The following TNFSF4 variants were observed in gnomAD, a reference collection of about 807,000 sequenced individuals.
TNFSF4 encodes TNF superfamily member 4.
TNFSF4 carries 4 observed loss-of-function variants against 7.3 expected under a neutral mutation model. That is an observed-to-expected ratio of 0.55 (90% CI 0.27 to 1.25). The LOEUF (loss-of-function observed/expected upper bound fraction) is 1.25. Among genes scored for constraint, TNFSF4 ranks in the 50% most tolerant of loss-of-function variants. The pLI is 0.12. For missense variants in TNFSF4, 181 were observed against 208.8 expected, an observed-to-expected ratio of 0.87 and a Z score of 0.82; for synonymous variants, 76 against 83.7, an observed-to-expected ratio of 0.91 and a Z score of 0.50.
chr1:173,227,668 AGGGAATTT>A, the TNFSF4 span, among the ~76,000 whole-genome samples: 7 of 152,362 alleles, frequency 4.6e-5, no homozygotes, highest in South Asian at 1.4e-3. Flanking sequence ...ACAAGGGGTC[AGGGAATTT>A]CCTTTCCTAC....
the TNFSF4 span, among the ~76,000 whole-genome samples, chr1:173,279,694 C>T: frequency 1.8e-4 from 27 of 152,094 alleles, no homozygotes; most frequent in Non-Finnish European, 2.6e-4. Context: ...CTTACCTACA[C>T]TCCAAAAACT....
chr1:173,318,161 G>C, the TNFSF4 span, among the ~76,000 whole-genome samples: 1 of 152,160 alleles, frequency 6.6e-6, no homozygotes, highest in Non-Finnish European at 1.5e-5. Context: ...AATCAGCCGG[G>C]CATGGTGGCT....
chr1:173,224,729 T>C, the TNFSF4 span, among the ~76,000 whole-genome samples: 1 of 152,178 alleles, frequency 6.6e-6, no homozygotes, highest in Non-Finnish European at 1.5e-5. Context: ...TCCCACTCCC[T>C]AAGCTATAGT....
chr1:173,408,866 A>C, the TNFSF4 span, among the ~76,000 whole-genome samples: 1 of 152,248 alleles, frequency 6.6e-6, no homozygotes, highest in Admixed American at 6.5e-5. Flanking sequence ...TTGGGATTAC[A>C]CGGATGAGCC....
At chr1:173,416,608 T>TTTTTTTTATTTATTTATTTATTTATTTA in the TNFSF4 span, among the ~76,000 whole-genome samples, 3,452 of 121,972 alleles carry the variant, frequency 0.028, 175 homozygotes, top group East Asian at 0.2. Flanking sequence ...ATTTTTTTAT[T>TTTTTTTTATTTATTTATTTATTTATTTA]TTTATTTATT....
the TNFSF4 span, among the ~76,000 whole-genome samples, chr1:173,398,409 C>CTTTTTTTTTTTT: frequency 4.5e-3 from 456 of 101,524 alleles, no homozygotes; most frequent in Non-Finnish European, 4.8e-3. Context: ...TATTTCTTTT[C>CTTTTTTTTTTTT]TTTTTTTTTT....
chr1:173,174,376 A>G, the TNFSF4 span: 1 of 151,990 alleles, frequency 6.6e-6, no homozygotes, highest in Non-Finnish European at 1.5e-5. Context: ...TAACTTCCAC[A>G]TTTTCATGTA....
chr1:173,380,969 A>G, the TNFSF4 span, among the ~76,000 whole-genome samples: 1 of 152,142 alleles, frequency 6.6e-6, no homozygotes, highest in African/African-American at 2.4e-5. Flanking sequence ...AAGTCCCAAC[A>G]TTAACATTGC....
chr1:173,438,983 A>G, the TNFSF4 span, among the ~76,000 whole-genome samples: 1 of 152,230 alleles, frequency 6.6e-6, no homozygotes, highest in Non-Finnish European at 1.5e-5. Context: ...TTGCACCTAT[A>G]AAACAATCTG....
the TNFSF4 span, among the ~76,000 whole-genome samples, chr1:173,176,490 G>A: frequency 0.012 from 1,849 of 152,236 alleles, 33 homozygotes; most frequent in African/African-American, 0.042. Flanking sequence ...GCAAGGTTGT[G>A]GAGAAAAGAG....
At chr1:173,442,131 T>G in the TNFSF4 span, 1 of 152,124 alleles carries the variant, frequency 6.6e-6, no homozygotes, top group East Asian at 1.9e-4. Context: ...AAAACCTGAG[T>G]TGTAGTATTT....
At chr1:173,420,760 GTAAT>G in the TNFSF4 span, among the ~76,000 whole-genome samples, 2 of 152,280 alleles carry the variant, frequency 1.3e-5, no homozygotes, top group East Asian at 3.9e-4. Flanking sequence ...TGTTAATTAT[GTAAT>G]TACATAACTA....
At chr1:173,449,641 A>G in the TNFSF4 span, among the ~76,000 whole-genome samples, 3 of 152,114 alleles carry the variant, frequency 2.0e-5, no homozygotes, top group Admixed American at 6.6e-5. Flanking sequence ...GCCTGGCCTC[A>G]GGCATTTCTT....
At chr1:173,313,282 A>C in the TNFSF4 span, among the ~76,000 whole-genome samples, 1 of 152,108 alleles carries the variant, frequency 6.6e-6, no homozygotes, top group African/African-American at 2.4e-5. Context: ...ATATGGATAT[A>C]TTAGATACTT....
At chr1:173,420,646 G>T in the TNFSF4 span, among the ~76,000 whole-genome samples, 1 of 151,976 alleles carries the variant, frequency 6.6e-6, no homozygotes, top group Non-Finnish European at 1.5e-5. Context: ...CAAAAGAAAA[G>T]AAAGTAAACA....
chr1:173,379,085 T>C, the TNFSF4 span, among the ~76,000 whole-genome samples: 2 of 152,076 alleles, frequency 1.3e-5, no homozygotes, highest in Non-Finnish European at 2.9e-5. Flanking sequence ...AGAGATGTCA[T>C]GCTATTGTTA....
the TNFSF4 span, among the ~76,000 whole-genome samples, chr1:173,378,813 G>A: frequency 7.9e-5 from 12 of 151,476 alleles, no homozygotes; most frequent in East Asian, 1.4e-3. Context: ...ATAAGCCTCC[G>A]CTAATCTCCC....
At chr1:173,217,744 G>T in the TNFSF4 span, among the ~76,000 whole-genome samples, 2 of 151,956 alleles carry the variant, frequency 1.3e-5, no homozygotes, top group African/African-American at 4.8e-5. Flanking sequence ...CAATTTTTTT[G>T]ATATGACTGC....
chr1:173,186,790 A>G lies in TNFSF4; in HGVS notation c.278T>C (p.Val93Ala). The G allele has an allele frequency of 6.2e-7, 1 of 1,614,120 alleles. No individual in the cohort carries two copies. The highest frequency in any genetic ancestry group is 8.5e-7 in the Non-Finnish European group (1 of 1,179,996). Residue 93 changes from valine (V) to alanine (A), a missense_variant, in exon 3 of 3, where the codon GTC (valine) becomes GCC (alanine). Transcript: ENST00000281834. ...DEIMKVQNNS[V>A]IINCDGFYLI... The stretch of plus-strand genomic sequence containing the variant: ...ATAAAACCCATCACAGTTGATGATG[A>G]CTGAGTTGTTCTGCACCTTCATGAT...
Sources: allele counts gnomAD v4.1 joint callset (sites outside exome capture counted in the v4.1 genomes callset), GRCh38; gene constraint gnomAD v4.1.1; transcripts MANE v1.5; gene names NCBI Gene and HGNC (gene_info 2026-07-23, HGNC 2026-07-21).